BRD8: variants seen among roughly 807,000 people sequenced by gnomAD.
The protein encoded by BRD8 is bromodomain containing 8.
Under a neutral mutation model 143.1 loss-of-function variants are expected in BRD8, and 67 were observed. That is an observed-to-expected ratio of 0.47 (90% CI 0.38 to 0.57). The LOEUF (loss-of-function observed/expected upper bound fraction) is 0.57. Ranked by LOEUF, BRD8 falls within the 20% of genes least tolerant of loss-of-function variation. The pLI is 0.00. For missense variants in BRD8, 1,103 were observed against 1,503.0 expected (o/e 0.73, Z 4.40); for synonymous variants, 505 against 517.1 (o/e 0.98, Z 0.32).
rs1186097342 is a variant in BRD8 at position 138,152,473 on chromosome 5, C to T, written c.2856+9G>A. ...TTTTCCAGCTTTGGAAATAAGAGCT[C>T]ACTGTTACCTCAGAGAGAAAGTGGA... On this transcript the variant is annotated intron_variant, in intron 21 of 26. Coordinates refer to ENST00000254900, the MANE Select transcript of BRD8 (RefSeq NM_139199.2). 2.4e-5 allele frequency: 39 copies of T among 1,612,872 alleles called. No individual in the cohort carries two copies. The highest frequency in any genetic ancestry group is 4.0e-5 in the African/African-American group (3 of 74,872).
chr5:138,158,112 C>CT (rs1258593509), intron 20 of BRD8, among the ~76,000 whole-genome samples: 2 of 152,160 alleles, frequency 1.3e-5, no homozygotes, highest in African/African-American at 2.4e-5. Flanking sequence ...TAATGCTTTT[C>CT]TTTTTTTTCC....
chr5:138,156,932 T>G (rs1390211517), intron 20 of BRD8: 7 of 1,243,316 alleles, frequency 5.6e-6, no homozygotes, highest in Non-Finnish European at 7.1e-6. Flanking sequence ...CACTGGTGGT[T>G]GTTTTTTTTA....
intron 20 of BRD8, among the ~76,000 whole-genome samples, chr5:138,154,714 G>T (rs1258457365): frequency 4.6e-5 from 7 of 151,922 alleles, no homozygotes. Context: ...TTCTCAAGAA[G>T]ACTTTGACTA....
intron 20 of BRD8, chr5:138,158,022 C>G (rs1158864367): frequency 6.6e-6 from 1 of 152,082 alleles, no homozygotes. Flanking sequence ...TGCAAGGACT[C>G]TAAAATTTTT....
intron 17 of BRD8, 31 bp from the exon 18 acceptor site, chr5:138,161,099 T>C (rs1752964345): frequency 6.4e-7 from 1 of 1,573,552 alleles, no homozygotes; most frequent in Non-Finnish European, 8.7e-7. Flanking sequence ...TAAGTAGCAG[T>C]GGGGATGGAA....
chr5:138,172,729 G>A (rs1156258119), intron 2 of BRD8: 1 of 415,578 alleles, frequency 2.4e-6, no homozygotes, highest in Non-Finnish European at 4.7e-6. Context: ...CCTGCGGCCT[G>A]TGGTCCCAGC....
At chr5:138,153,100 A>G (rs1752433689) in intron 20 of BRD8, among the ~76,000 whole-genome samples, 1 of 152,176 alleles carries the variant, frequency 6.6e-6, no homozygotes, top group Non-Finnish European at 1.5e-5. Context: ...TAGCTCAATT[A>G]TTTTCCTCTA....
rs973539355 is a variant in BRD8, at chr5:138,177,563, T to C, written c.116+8A>G. On this transcript the variant is annotated splice_region_variant and intron_variant, in intron 2 of 26. Coordinates refer to ENST00000254900, the MANE Select transcript of BRD8 (RefSeq NM_139199.2). Reference sequence around the variant, plus strand: ...GACCCAGAAAAGCTGACATCCTAGATACCTTACCAATTTTGATCGCCACTT... The same window carrying C: ...GACCCAGAAAAGCTGACATCCTAGACACCTTACCAATTTTGATCGCCACTT... 5.0e-6 allele frequency: 8 copies of C among 1,591,198 alleles called. No individual in the cohort carries two copies. The highest frequency in any genetic ancestry group is 2.2e-5 in the East Asian group (1 of 44,784).
At chr5:138,156,026 C>T (rs537914439) in intron 20 of BRD8, among the ~76,000 whole-genome samples, 2 of 151,770 alleles carry the variant, frequency 1.3e-5, no homozygotes, top group South Asian at 4.2e-4. Context: ...AGGTGCACAC[C>T]ACCATGCTGG....
At position 138,169,885 on chromosome 5, in the gene BRD8, C is replaced by T. The variant is rs568587502; in HGVS notation, c.505+460G>A. ...GAGGCAGGAGAATCACTTGAACCCG[C>T]GAGGCGGAGGTTGCAGTGACCCAAG... On this transcript the variant is annotated intron_variant, in intron 7 of 26. Transcript: ENST00000254900. Among the ~76,000 whole-genome samples, 187 of 152,192 alleles carry T rather than the reference C, an allele frequency of 1.2e-3. 2 individuals carry two copies. Among genetic ancestry groups the T allele is most frequent in the African/African-American group, 3.8e-3 (158 of 41,542 alleles).
intron 3 of BRD8, 76 bp from the exon 4 acceptor site, chr5:138,171,486 A>G: frequency 1.0e-6 from 1 of 960,838 alleles, no homozygotes; most frequent in Non-Finnish European, 1.7e-6. Context: ...GTTTCAAGAG[A>G]TTAGAGTAAG....
At position 138,160,091 on chromosome 5, in the gene BRD8, C is replaced by T. The variant is rs1486875433; in HGVS notation, c.2510G>A (p.Arg837His). ...AKSLRGRDST[R>H]KQDASEKDSV... Reference sequence around the variant, plus strand: ...CACCTTCTCTGAAGCATCCTGTTTGCGGGTAGAATCTCTCCCTCGAAGACT... The same window carrying T: ...CACCTTCTCTGAAGCATCCTGTTTGTGGGTAGAATCTCTCCCTCGAAGACT... Residue 837 changes from arginine to histidine, a missense_variant, in exon 19 of 27, where the codon CGC becomes CAC. By Grantham distance (29) the Arg-to-His change is conservative. Coordinates refer to ENST00000254900, the MANE Select transcript of BRD8 (RefSeq NM_139199.2). The T allele has an allele frequency of 5.0e-6, 8 of 1,613,816 alleles. No individual in the cohort carries two copies. Among genetic ancestry groups the T allele is most frequent in the Non-Finnish European group, 6.8e-6 (8 of 1,179,786 alleles).
At chr5:138,163,030 A>T in intron 15 of BRD8, 100 bp downstream of exon 15, 1 of 784,830 alleles carries the variant, frequency 1.3e-6, no homozygotes, top group Non-Finnish European at 1.9e-6. Flanking sequence ...GAAAGGGAAA[A>T]GAAAAGAAAA....
chr5:138,150,695 T>C (rs1752342389), intron 22 of BRD8, 50 bp downstream of exon 22: 2 of 1,547,974 alleles, frequency 1.3e-6, no homozygotes, highest in South Asian at 1.3e-5. Flanking sequence ...TCTGTTCTGC[T>C]TCCCTAGGCA....
intron 15 of BRD8, among the ~76,000 whole-genome samples, chr5:138,162,650 G>A (rs1038961048): frequency 5.3e-5 from 8 of 151,718 alleles, no homozygotes; most frequent in African/African-American, 1.9e-4. Context: ...AGACCAGACT[G>A]GACCACATAG....
Position 138,140,169 on chromosome 5 carries a change from A to G in BRD8, c.3616-3T>C. 6.2e-7 allele frequency: 1 copy of G among 1,605,736 alleles called. No homozygotes were observed. The highest frequency in any genetic ancestry group is 8.5e-7 in the Non-Finnish European group (1 of 1,172,370). On this transcript the variant is annotated splice_region_variant and splice_polypyrimidine_tract_variant and intron_variant, in intron 26 of 26. Transcript: ENST00000254900. ...TTGTCTAACCAGATATTCAGTACCT[A>G]AAGGGTTAAGGAACACATAGCAAGC...
At chr5:138,148,826 A>C in intron 23 of BRD8, among the ~76,000 whole-genome samples, 1 of 151,886 alleles carries the variant, frequency 6.6e-6, no homozygotes. Context: ...ACACTTTAGG[A>C]GGCTGAGGTA....
chr5:138,176,133 A>G (rs1385901779), intron 2 of BRD8, among the ~76,000 whole-genome samples: 1 of 152,170 alleles, frequency 6.6e-6, no homozygotes, highest in African/African-American at 2.4e-5. Flanking sequence ...ATATTCATAC[A>G]ACAGATTATT....
At chr5:138,162,471 C>T (rs1753070886) in intron 15 of BRD8, among the ~76,000 whole-genome samples, 1 of 152,020 alleles carries the variant, frequency 6.6e-6, no homozygotes, top group Non-Finnish European at 1.5e-5. Context: ...GCTGGGATTA[C>T]AGGTGTGAGC....
Sources: gnomAD v4.1 joint callset for allele counts (sites outside exome capture counted in the v4.1 genomes callset) on GRCh38, gnomAD v4.1.1 for gene constraint, MANE v1.5 for transcripts, NCBI Gene and HGNC (gene_info 2026-07-23, HGNC 2026-07-21) for gene names.